The following SHOC2 variants were observed in gnomAD, a reference collection of about 807,000 sequenced individuals.
The protein encoded by SHOC2 is SHOC2 leucine rich repeat scaffold protein.
Under a neutral mutation model 50.2 loss-of-function variants are expected in SHOC2, and 4 were observed. The ratio of observed to expected loss-of-function variants is 0.08; its 90% CI spans 0.04 to 0.18. SHOC2 has a LOEUF of 0.18. Ranked by LOEUF, SHOC2 falls within the 10% of genes least tolerant of loss-of-function variation. SHOC2 has a pLI of 1.00. For missense variants in SHOC2, 388 were observed against 669.6 expected (o/e 0.58, Z 4.64); for synonymous variants, 218 against 244.5 (o/e 0.89, Z 1.01).
intron 1 of SHOC2, among the ~76,000 whole-genome samples, chr10:110,943,852 C>T (rs1355851204): frequency 1.3e-5 from 2 of 152,200 alleles, no homozygotes; most frequent in Non-Finnish European, 2.9e-5. Context: ...TCACATTGGC[C>T]TTCTATGGAT....
intron 1 of SHOC2, chr10:110,951,591 T>C (rs1233998672): frequency 1.3e-5 from 2 of 152,188 alleles, no homozygotes; most frequent in African/African-American, 2.4e-5. Flanking sequence ...ATGTCTACGT[T>C]CCCATGTTCA....
Position 111,009,248 on chromosome 10 carries a change from G to A in SHOC2, c.1285G>A (p.Val429Ile). ...AACATTATCAATAATTTCTCATTAGGTTCTTATCTTATCAAACAATCTTCT... is the reference window on the plus strand; with the variant it reads ...AACATTATCAATAATTTCTCATTAGATTCTTATCTTATCAAACAATCTTCT... ...EDVSGLVSLE[V>I]LILSNNLLKK... The change falls in exon 7 of 9, where the codon GTT (valine) becomes ATT (isoleucine). Residue 429 changes from valine (V) to isoleucine (I), a missense_variant and splice_region_variant. By Grantham distance (29) the Val-to-Ile change is conservative (BLOSUM62 3). Coordinates refer to ENST00000369452, the MANE Select transcript of SHOC2 (RefSeq NM_007373.4). 6.5e-7 allele frequency: 1 copy of A among 1,549,424 alleles called. No homozygotes were observed. Among genetic ancestry groups the A allele is most frequent in the South Asian group, 1.1e-5 (1 of 89,304 alleles).
chr10:110,924,150 A>G (rs76836285), intron 1 of SHOC2, among the ~76,000 whole-genome samples: 2,637 of 152,328 alleles, frequency 0.017, 76 homozygotes, highest in African/African-American at 0.06. Flanking sequence ...ACAGTTTCAC[A>G]TTCACCAATG....
chr10:110,997,552 AT>A (rs1320838775), intron 3 of SHOC2, among the ~76,000 whole-genome samples: 4 of 152,018 alleles, frequency 2.6e-5, no homozygotes, highest in Non-Finnish European at 5.9e-5. Flanking sequence ...ACTTAACATC[AT>A]ACCTGAAAGT....
chr10:110,951,664 T>G (rs1847355982), intron 1 of SHOC2: 1 of 152,180 alleles, frequency 6.6e-6, no homozygotes, highest in Non-Finnish European at 1.5e-5. Context: ...GATGGAAGAA[T>G]ACACACAGAA....
chr10:110,974,475 A>T (rs1437221092), intron 2 of SHOC2, among the ~76,000 whole-genome samples: 9 of 152,164 alleles, frequency 5.9e-5, no homozygotes, highest in Admixed American at 1.3e-4. Context: ...CAGTGCTTGC[A>T]TTGTATACCT....
chr10:110,919,546 TGGGGGAGGGGCGGGC>T, upstream of SHOC2: 2 of 31,048 alleles, frequency 6.4e-5, no homozygotes, highest in Non-Finnish European at 1.2e-4. Flanking sequence ...GCGGGGCGAG[TGGGGGAGGGGCGGGC>T]GGGGGGCGGC....
Position 110,937,596 on chromosome 10 carries a change from G to T in SHOC2, c.-235+17939G>T, listed in dbSNP as rs1847053063. 1.3e-5 allele frequency among the ~76,000 whole-genome samples: 2 copies of T among 152,120 alleles called. 1 individual carries two copies. Among genetic ancestry groups the T allele is most frequent in the South Asian group, 4.2e-4 (2 of 4,816 alleles). On this transcript the variant is annotated intron_variant, in intron 1 of 8. Transcript: ENST00000369452. ...TCAGATATTTTTAAGAGGAAAAGAGGGGACCATACCATCTTTCAAATTAGA... is the reference window on the plus strand; with the variant it reads ...TCAGATATTTTTAAGAGGAAAAGAGTGGACCATACCATCTTTCAAATTAGA...
In SHOC2 at chr10:111,009,826, A is replaced by G; in HGVS notation, c.1536A>G (p.Glu512=). The G allele has an allele frequency of 6.5e-7, 1 of 1,535,878 alleles. No homozygotes were observed. The highest frequency in any genetic ancestry group is 1.1e-5 in the South Asian group (1 of 89,508). ...ACCTACTTACTCACCTTCCTGAAGA[A>G]ATTGGTATGAACCCTGTGAATGCTT... ...GENLLTHLPE[E]IGTLENLEEL... The change falls in exon 8 of 9, where the codon GAA becomes GAG. Residue 512 remains glutamate, a synonymous_variant. Transcript: ENST00000369452.
At chr10:111,001,804 C>T (rs1848381741) in intron 4 of SHOC2, among the ~76,000 whole-genome samples, 1 of 150,168 alleles carries the variant, frequency 6.7e-6, no homozygotes, top group African/African-American at 2.5e-5. Flanking sequence ...GAGGCCGAGG[C>T]AGGCGGGCGG....
chr10:110,997,283 G>A (rs1848285399), intron 3 of SHOC2, among the ~76,000 whole-genome samples: 1 of 152,092 alleles, frequency 6.6e-6, no homozygotes, highest in African/African-American at 2.4e-5. Context: ...GTGGAAGGAT[G>A]TCACAATTTT....
intron 6 of SHOC2, among the ~76,000 whole-genome samples, chr10:111,008,405 A>C (rs185660091): frequency 6.6e-6 from 1 of 151,874 alleles, no homozygotes; most frequent in East Asian, 1.9e-4. Flanking sequence ...GGCTAAAAAC[A>C]TGGGCTTTGA....
At chr10:110,970,043 CA>C (rs1238060386) in intron 2 of SHOC2, among the ~76,000 whole-genome samples, 1 of 152,152 alleles carries the variant, frequency 6.6e-6, no homozygotes, top group African/African-American at 2.4e-5. Flanking sequence ...TGGACACATT[CA>C]AAATCCTCCC....
At chr10:110,974,807 C>T (rs564416763) in intron 2 of SHOC2, among the ~76,000 whole-genome samples, 4 of 152,218 alleles carry the variant, frequency 2.6e-5, no homozygotes, top group Admixed American at 6.5e-5. Context: ...TTCCATTCTT[C>T]GTACAATTAT....
chr10:110,994,938 A>G (rs954269395), intron 3 of SHOC2, among the ~76,000 whole-genome samples: 3 of 152,382 alleles, frequency 2.0e-5, no homozygotes, highest in South Asian at 2.1e-4. Context: ...AAATATTTGT[A>G]GAATGATTAA....
intron 2 of SHOC2, among the ~76,000 whole-genome samples, chr10:110,982,372 G>A (rs1847997961): frequency 6.6e-6 from 1 of 151,740 alleles, no homozygotes; most frequent in East Asian, 1.9e-4. Context: ...TATATACCCA[G>A]TAACGGGATG....
chr10:110,983,909 G>A (rs899069899), intron 2 of SHOC2, among the ~76,000 whole-genome samples: 4 of 152,074 alleles, frequency 2.6e-5, no homozygotes, highest in South Asian at 2.1e-4. Context: ...TTATTCATTC[G>A]TTAATAGACA....
intron 2 of SHOC2, among the ~76,000 whole-genome samples, chr10:110,965,289 T>C (rs547286782): frequency 6.6e-6 from 1 of 152,298 alleles, no homozygotes; most frequent in South Asian, 2.1e-4. Context: ...AATTAGATCT[T>C]TCCCACACAA....
intron 3 of SHOC2, among the ~76,000 whole-genome samples, chr10:110,991,853 T>A (rs963117261): frequency 6.6e-6 from 1 of 152,188 alleles, no homozygotes; most frequent in Non-Finnish European, 1.5e-5. Context: ...TCTCCTTTTT[T>A]AAATCCTACT....
Sources: gnomAD v4.1 joint callset for allele counts (sites outside exome capture counted in the v4.1 genomes callset) on GRCh38, gnomAD v4.1.1 for gene constraint, MANE v1.5 for transcripts, NCBI Gene and HGNC (gene_info 2026-07-23, HGNC 2026-07-21) for gene names.